Variants in QKI observed in about 807,000 individuals in gnomAD.
The protein encoded by QKI is KH domain-containing RNA-binding protein QKI.
QKI carries 10 observed loss-of-function variants against 39.0 expected under a neutral mutation model. That is an observed-to-expected ratio of 0.26 (90% CI 0.16 to 0.43). QKI has a LOEUF of 0.43. Among genes scored for constraint, QKI ranks in the 20% least tolerant of loss-of-function variants. The probability of loss-of-function intolerance (pLI) is 1.00; values close to 1 mark genes in which losing one functional copy is unlikely to be tolerated. For synonymous variants in QKI, 204 were observed against 155.4 expected (o/e 1.31, Z -2.33); for missense variants, 218 against 428.0 (o/e 0.51, Z 4.33).
chr6:163,573,523 T>A lies in QKI; in HGVS notation c.*2813T>A, dbSNP rs1414146879. On this transcript the variant is annotated 3_prime_UTR_variant, in exon 8 of 8. Transcript: ENST00000361752. ...TATCTTGTTTTATATGTATGTTATATAACATTCAAAAAGAATTTTTTTCTT... is the reference window on the plus strand; with the variant it reads ...TATCTTGTTTTATATGTATGTTATAAAACATTCAAAAAGAATTTTTTTCTT... 1 of 152,234 alleles carries A rather than the reference T, an allele frequency of 6.6e-6. No homozygotes were observed. 9.4% of individuals were successfully genotyped at this position (152,234 alleles called of 1,614,324 possible). A position where few individuals can be genotyped will look rare whatever the true frequency, so the allele number is the denominator to read the frequency against.
In QKI at chr6:163,574,477, G is replaced by T. The variant is rs1270265372; in HGVS notation, c.*3767G>T. ...TTTCCAGTGAGGAAAAGAACCCTCA[G>T]CACGTTACTGAGCTTTCCTCAGGTA... On this transcript the variant is annotated 3_prime_UTR_variant, in exon 8 of 8. Coordinates refer to ENST00000361752, the MANE Select transcript of QKI (RefSeq NM_006775.3). 1.3e-5 allele frequency: 2 copies of T among 152,128 alleles called. No individual in the cohort carries two copies. Among genetic ancestry groups the T allele is most frequent in the East Asian group, 3.8e-4 (2 of 5,196 alleles). 9.4% of individuals were successfully genotyped at this position (152,128 alleles called of 1,614,324 possible). A position where few individuals can be genotyped will look rare whatever the true frequency, so the allele number is the denominator to read the frequency against.
chr6:163,416,408 T>G (rs1001973039), intron 1 of QKI: 1 of 160,798 alleles, frequency 6.2e-6, no homozygotes, highest in Non-Finnish European at 1.4e-5. Context: ...GAAAATCGAC[T>G]GGCCAGGAGT....
chr6:163,433,596 C>T (rs1400368482), intron 1 of QKI, among the ~76,000 whole-genome samples: 1 of 152,072 alleles, frequency 6.6e-6, no homozygotes, highest in Non-Finnish European at 1.5e-5. Context: ...GAAATCCCAT[C>T]TCTACTAAAA....
chr6:163,457,313 A>G, intron 2 of QKI: 1 of 456,008 alleles, frequency 2.2e-6, no homozygotes, highest in Non-Finnish European at 4.4e-6. Flanking sequence ...GGTTTCATAC[A>G]GTCTTCTAAG....
At chr6:163,535,608 A>G (rs990367894) in intron 4 of QKI, among the ~76,000 whole-genome samples, 17 of 151,876 alleles carry the variant, frequency 1.1e-4, no homozygotes, top group South Asian at 2.1e-4. Flanking sequence ...TAGTAAAACT[A>G]TATGGAAATG....
At chr6:163,488,682 A>T (rs182416196) in intron 3 of QKI, among the ~76,000 whole-genome samples, 3 of 152,194 alleles carry the variant, frequency 2.0e-5, no homozygotes, top group Non-Finnish European at 4.4e-5. Flanking sequence ...ACTAGATACA[A>T]GTTACCATCT....
rs193210386 is a variant in QKI at position 163,472,219 on chromosome 6, T to C, written c.286-6561T>C. On this transcript the variant is annotated intron_variant, in intron 2 of 7. Transcript: ENST00000361752. Reference sequence around the variant, plus strand: ...TTAACACTGTATTCTTACAATAAAATAAGCCATTGAGAAGAAAATGTTTTA... The same window carrying C: ...TTAACACTGTATTCTTACAATAAAACAAGCCATTGAGAAGAAAATGTTTTA... 2.5e-3 allele frequency among the ~76,000 whole-genome samples: 386 copies of C among 152,144 alleles called. 2 individuals carry two copies. The highest frequency in any genetic ancestry group is 8.4e-3 in the African/African-American group (346 of 41,432).
intron 3 of QKI, among the ~76,000 whole-genome samples, chr6:163,524,797 A>T (rs758393287): frequency 6.6e-6 from 1 of 152,068 alleles, no homozygotes; most frequent in Non-Finnish European, 1.5e-5. Context: ...CATCTATTCT[A>T]GATTCTAGCC....
At chr6:163,424,285 G>T (rs1203014866) in intron 1 of QKI, among the ~76,000 whole-genome samples, 3 of 152,224 alleles carry the variant, frequency 2.0e-5, no homozygotes, top group Admixed American at 1.3e-4. Context: ...CGTGGTTGCA[G>T]TGATGCCATT....
At chr6:163,424,323 T>C (rs1346777628) in intron 1 of QKI, among the ~76,000 whole-genome samples, 1 of 152,240 alleles carries the variant, frequency 6.6e-6, no homozygotes, top group African/African-American at 2.4e-5. Context: ...GTTTTAACTC[T>C]GTATGTGTGT....
At chr6:163,509,478 A>AGG (rs35043281) in intron 3 of QKI, among the ~76,000 whole-genome samples, 6 of 150,856 alleles carry the variant, frequency 4.0e-5, no homozygotes, top group African/African-American at 1.5e-4. Context: ...CATTTAATAA[A>AGG]GGGGGGGGGG....
intron 3 of QKI, among the ~76,000 whole-genome samples, chr6:163,516,805 T>C (rs1252879618): frequency 6.6e-6 from 1 of 152,034 alleles, no homozygotes; most frequent in Non-Finnish European, 1.5e-5. Context: ...TAGGCTAGAG[T>C]ATTTGACATT....
chr6:163,460,633 A>G (rs1451331081), intron 2 of QKI, among the ~76,000 whole-genome samples: 2 of 152,184 alleles, frequency 1.3e-5, no homozygotes, highest in East Asian at 1.9e-4. Context: ...CGTTTGTTTT[A>G]GAGGGATTAT....
At chr6:163,534,814 A>C in intron 3 of QKI, 168 bp from the exon 4 acceptor site, 3 of 520,770 alleles carry the variant, frequency 5.8e-6, no homozygotes, top group Non-Finnish European at 1.0e-5. Flanking sequence ...CAGTAGTCTC[A>C]CATTCAATCA....
chr6:163,550,301 T>C (rs1024989034), intron 4 of QKI, among the ~76,000 whole-genome samples: 5 of 152,146 alleles, frequency 3.3e-5, no homozygotes, highest in African/African-American at 1.2e-4. Flanking sequence ...CCTCATCTTA[T>C]GAAGCCACCA....
Position 163,530,945 on chromosome 6 carries a change from A to G in QKI, c.403-4037A>G, listed in dbSNP as rs1287365913. Among the ~76,000 whole-genome samples the G allele has an allele frequency of 2.0e-5, 3 of 151,820 alleles. No individual in the cohort carries two copies. In the East Asian group the frequency reaches 5.8e-4, roughly 29 times the overall value. On this transcript the variant is annotated intron_variant, in intron 3 of 7. Transcript: ENST00000361752. ...TTCTCCCTCTGCTTTCTTTTTCTTT[A>G]TATTGGTAGTTGGACATCGTCATTT...
intron 4 of QKI, among the ~76,000 whole-genome samples, chr6:163,537,165 G>A (rs1288660414): frequency 1.3e-5 from 2 of 152,118 alleles, no homozygotes; most frequent in Non-Finnish European, 2.9e-5. Context: ...ACCACTGTAC[G>A]CCAGCCTGGG....
At chr6:163,476,982 G>T (rs915683886) in intron 2 of QKI, among the ~76,000 whole-genome samples, 1 of 149,804 alleles carries the variant, frequency 6.7e-6, no homozygotes, top group Non-Finnish European at 1.5e-5. Context: ...CTTATTTGAT[G>T]TGATTTTCAG....
At chr6:163,424,846 G>A (rs1288069924) in intron 1 of QKI, among the ~76,000 whole-genome samples, 5 of 151,786 alleles carry the variant, frequency 3.3e-5, no homozygotes, top group East Asian at 1.9e-4. Flanking sequence ...AGCCAGGCTG[G>A]TCTCCAACTC....
Sources: gnomAD v4.1 joint callset for allele counts (sites outside exome capture counted in the v4.1 genomes callset) on GRCh38, gnomAD v4.1.1 for gene constraint, MANE v1.5 for transcripts, NCBI Gene and HGNC (gene_info 2026-07-23, HGNC 2026-07-21) for gene names.